Variants in TENT4B observed in about 807,000 individuals in gnomAD.
TENT4B encodes terminal nucleotidyltransferase 4B.
Under a neutral mutation model 75.0 loss-of-function variants are expected in TENT4B, and 10 were observed. That is an observed-to-expected ratio of 0.13 (90% CI 0.08 to 0.23). The LOEUF (loss-of-function observed/expected upper bound fraction) is 0.23, where lower values mean the gene tolerates loss of function less well. TENT4B is among the 10% of genes least tolerant of loss of function. TENT4B has a pLI of 1.00. For synonymous variants in TENT4B, 350 were observed against 357.7 expected (o/e 0.98, Z 0.24); for missense variants, 579 against 893.8 (o/e 0.65, Z 4.49).
At chr16:50,225,374 TC>T (rs1393536598) in intron 10 of TENT4B, 89 bp downstream of exon 10, 1 of 1,159,908 alleles carries the variant, frequency 8.6e-7, no homozygotes, top group African/African-American at 1.5e-5. Flanking sequence ...TAAGGCTACT[TC>T]CTTTGCTTAC....
intron 1 of TENT4B, among the ~76,000 whole-genome samples, chr16:50,205,775 G>A (rs1206662121): frequency 6.6e-6 from 1 of 151,540 alleles, no homozygotes; most frequent in Non-Finnish European, 1.5e-5. Context: ...ATTTTTAGTA[G>A]AGATGGGGTT....
intron 1 of TENT4B, among the ~76,000 whole-genome samples, chr16:50,195,314 G>A (rs944452593): frequency 2.0e-5 from 3 of 152,302 alleles, no homozygotes; most frequent in African/African-American, 7.2e-5. Context: ...AATGTGGAAG[G>A]CACTCTTATC....
intron 3 of TENT4B, among the ~76,000 whole-genome samples, chr16:50,214,955 A>T (rs1233402798): frequency 1.3e-5 from 2 of 152,008 alleles, no homozygotes; most frequent in East Asian, 3.9e-4. Context: ...TCACTCTTAC[A>T]CTCACCCTCG....
intron 1 of TENT4B, among the ~76,000 whole-genome samples, chr16:50,157,553 G>C (rs981638139): frequency 6.6e-6 from 1 of 152,054 alleles, no homozygotes; most frequent in Non-Finnish European, 1.5e-5. Flanking sequence ...GATTTTGTTT[G>C]CTTTTTAAAA....
intron 1 of TENT4B, among the ~76,000 whole-genome samples, chr16:50,200,669 T>C (rs2030580842): frequency 6.6e-6 from 1 of 152,200 alleles, no homozygotes; most frequent in Non-Finnish European, 1.5e-5. Context: ...CTATGTATCT[T>C]CTTTAGTGAG....
In TENT4B at chr16:50,234,910, T is replaced by G. The variant is rs2032401372; in HGVS notation, c.*5582T>G. ...TGTTTTTAGTAACCTTTTTATGTATTTCCTTCTTTGATTAGCATTGTCTTC... is the reference window on the plus strand; with the variant it reads ...TGTTTTTAGTAACCTTTTTATGTATGTCCTTCTTTGATTAGCATTGTCTTC... On this transcript the variant is annotated 3_prime_UTR_variant, in exon 12 of 12. Coordinates refer to ENST00000561678, the MANE Select transcript of TENT4B (RefSeq NM_001365324.3). 11 of 985,710 alleles carry G rather than the reference T, an allele frequency of 1.1e-5. No individual in the cohort carries two copies. Among genetic ancestry groups the G allele is most frequent in the Non-Finnish European group, 1.1e-5 (9 of 829,882 alleles). 61.1% of individuals were successfully genotyped at this position (985,710 alleles called of 1,614,324 possible).
chr16:50,205,632 C>G (rs866951610), intron 1 of TENT4B, among the ~76,000 whole-genome samples: 36 of 112,532 alleles, frequency 3.2e-4, no homozygotes, highest in African/African-American at 1.0e-3. Context: ...GCTCTGTTAT[C>G]CAGGCTGGAG....
chr16:50,221,695 T>C (rs904548644), intron 5 of TENT4B, among the ~76,000 whole-genome samples: 1 of 152,224 alleles, frequency 6.6e-6, no homozygotes, highest in East Asian at 1.9e-4. Flanking sequence ...TACAAATGAA[T>C]ATTAGAGGGT....
intron 1 of TENT4B, among the ~76,000 whole-genome samples, chr16:50,171,399 C>G (rs914805473): frequency 6.6e-6 from 1 of 151,980 alleles, no homozygotes. Flanking sequence ...AGAAGTAACT[C>G]TGGCTGTGGT....
intron 1 of TENT4B, among the ~76,000 whole-genome samples, chr16:50,201,076 A>C (rs1384183981): frequency 6.6e-6 from 1 of 152,146 alleles, no homozygotes; most frequent in African/African-American, 2.4e-5. Context: ...TGCTGATTAT[A>C]GGCCTGAGCC....
chr16:50,167,294 G>A (rs1042648305), intron 1 of TENT4B, among the ~76,000 whole-genome samples: 19 of 152,034 alleles, frequency 1.2e-4, no homozygotes, highest in African/African-American at 2.4e-4. Flanking sequence ...CAAAGCCATC[G>A]TGGGCCTCTG....
chr16:50,198,417 T>TA lies in TENT4B; in HGVS notation c.639-12890dup, dbSNP rs72219443. 9.9e-4 allele frequency among the ~76,000 whole-genome samples: 133 copies of TA among 133,958 alleles called. 1 individual carries two copies. The East Asian group carries it at 0.014, about 14-fold the overall frequency. 87.9% of individuals were successfully genotyped at this position (133,958 alleles called of 152,430 possible). A position where few individuals can be genotyped will look rare whatever the true frequency, so the allele number is the denominator to read the frequency against. On this transcript the variant is annotated intron_variant, in intron 1 of 11. Transcript: ENST00000561678. The stretch of plus-strand genomic sequence containing the variant: ...CTGGGTGACAAAGTGAGACTCTGTC[T>TA]AAAAAAAAAAAAAAAAGAAGAAAAG...
intron 3 of TENT4B, among the ~76,000 whole-genome samples, chr16:50,215,396 C>T (rs1003229037): frequency 2.6e-5 from 4 of 152,074 alleles, no homozygotes; most frequent in South Asian, 2.1e-4. Context: ...TACTCAACTT[C>T]GAGTTAATAT....
chr16:50,226,463 G>A (rs2032059045), intron 10 of TENT4B, among the ~76,000 whole-genome samples: 2 of 151,890 alleles, frequency 1.3e-5, no homozygotes, highest in South Asian at 4.1e-4. Flanking sequence ...ACGGAGTCTC[G>A]CTCTGTCGCC....
At chr16:50,180,953 C>T (rs532201162) in intron 1 of TENT4B, among the ~76,000 whole-genome samples, 1 of 152,318 alleles carries the variant, frequency 6.6e-6, no homozygotes, top group East Asian at 1.9e-4. Flanking sequence ...GAATAGTTTT[C>T]TTCCTCACTG....
In TENT4B at chr16:50,154,360, C is replaced by T. The variant is rs545034546; in HGVS notation, c.638+101C>T. The T allele has an allele frequency of 3.1e-5, 42 of 1,339,634 alleles. No individual in the cohort carries two copies. The East Asian group carries it at 9.4e-4, about 30-fold the overall frequency. The allele number at this position is 1,339,634 out of a possible 1,614,324, so 83.0% of individuals were successfully genotyped here. A position where few individuals can be genotyped will look rare whatever the true frequency, so the allele number is the denominator to read the frequency against. ...TGTGAGGGTCTAGGAGCGGCCACCC[C>T]CACGGCCTGCCTTCGCTGCTGTTGC... On this transcript the variant is annotated intron_variant, in intron 1 of 11. Coordinates refer to ENST00000561678, the MANE Select transcript of TENT4B (RefSeq NM_001365324.3).
At chr16:50,157,150 T>C (rs957538060) in intron 1 of TENT4B, among the ~76,000 whole-genome samples, 1 of 152,204 alleles carries the variant, frequency 6.6e-6, no homozygotes, top group Non-Finnish European at 1.5e-5. Flanking sequence ...TGGTGGTTCT[T>C]GGCCTCTGAA....
chr16:50,209,576 T>C (rs1567505579), intron 1 of TENT4B, among the ~76,000 whole-genome samples: 1 of 152,212 alleles, frequency 6.6e-6, no homozygotes, highest in Non-Finnish European at 1.5e-5. Flanking sequence ...TTTTATGACA[T>C]ATTGCATAGC....
Position 50,224,798 on chromosome 16 carries a change from A to G in TENT4B, c.1508+15A>G, listed in dbSNP as rs376046962. On this transcript the variant is annotated intron_variant, in intron 8 of 11. Coordinates refer to ENST00000561678, the MANE Select transcript of TENT4B (RefSeq NM_001365324.3). ...GAAACAGAAAGGTAAAAGTTCATCT[A>G]TAACCAGCCCATTGTGTCAAAATTA... The G allele has an allele frequency of 7.4e-6, 12 of 1,613,706 alleles. No individual in the cohort carries two copies. The highest frequency in any genetic ancestry group is 6.7e-5 in the African/African-American group (5 of 74,928).
Sources: allele counts gnomAD v4.1 joint callset (sites outside exome capture counted in the v4.1 genomes callset), GRCh38; gene constraint gnomAD v4.1.1; transcripts MANE v1.5; gene names NCBI Gene and HGNC (gene_info 2026-07-23, HGNC 2026-07-21).